LAIR2: variants seen among roughly 807,000 people sequenced by gnomAD.
LAIR2 encodes the protein leukocyte-associated immunoglobulin-like receptor 2.
In LAIR2, 14 loss-of-function variants were observed where a neutral mutation model predicts 14.8. The ratio of observed to expected loss-of-function variants is 0.95; its 90% CI spans 0.62 to 1.48. The LOEUF (loss-of-function observed/expected upper bound fraction) is 1.48, where lower values mean the gene tolerates loss of function less well. LAIR2 is among the 40% of genes most tolerant of loss of function. The pLI is 0.00. For synonymous variants in LAIR2, 75 were observed against 74.5 expected (o/e 1.01, Z -0.03); for missense variants, 172 against 180.9 (o/e 0.95, Z 0.28).
At chr19:54,502,978 ACTGGAAAGGGGGTCGGGAGGT>A (rs1222624049) in intron 1 of LAIR2, 26 bp downstream of exon 1, 1 of 1,603,718 alleles carries the variant, frequency 6.2e-7, no homozygotes, top group Non-Finnish European at 8.5e-7. Context: ...AGCGGGAAGG[ACTGGAAAGGGGGTCGGGAGGT>A]CTGGAAAGTT....
rs140201649 is a variant in LAIR2, at chr19:54,503,917, T to G, written c.70+182T>G. On this transcript the variant is annotated intron_variant, in intron 2 of 4. Transcript: ENST00000301202. ...CCCTTTCTCTCCTTCATTCTCCACC[T>G]GTCATGTTTTGCTTTTCTTATTTTC... Among the ~76,000 whole-genome samples the G allele has an allele frequency of 2.6e-3, 403 of 152,256 alleles. 2 individuals are homozygous for G. The highest frequency in any genetic ancestry group is 9.2e-3 in the African/African-American group (383 of 41,550).
intron 2 of LAIR2, among the ~76,000 whole-genome samples, chr19:54,505,823 T>TTC (rs1441256171): frequency 7.2e-6 from 1 of 138,448 alleles, no homozygotes; most frequent in Non-Finnish European, 1.5e-5. Flanking sequence ...ACATGCTGAT[T>TTC]TTTTTTTTTT....
chr19:54,504,906 G>C (rs1025421391), intron 2 of LAIR2, among the ~76,000 whole-genome samples: 1 of 152,108 alleles, frequency 6.6e-6, no homozygotes, highest in Admixed American at 6.6e-5. Flanking sequence ...CACTGCACCC[G>C]GCCGAGATGA....
rs1473445234 is a variant in LAIR2 at position 54,508,065 on chromosome 19, C to G, written c.245C>G (p.Ser82Ter). ...YNVFRLGPSE[S>*]EARFHIDSVS... ...GTGTTTCGACTTGGTCCATCTGAGT[C>G]AGAGGCCAGATTCCACATTGACTCA... Residue 82 changes from serine (S) to a stop codon, truncating the protein, a stop_gained, in exon 3 of 5, where the codon TCA (serine) becomes TGA (stop). Coordinates refer to ENST00000301202, the MANE Select transcript of LAIR2 (RefSeq NM_002288.6). LOFTEE classifies it high-confidence loss of function. 3 of 1,614,072 alleles carry G rather than the reference C, an allele frequency of 1.9e-6. No individual in the cohort carries two copies. Among genetic ancestry groups the G allele is most frequent in the Non-Finnish European group, 2.5e-6 (3 of 1,180,010 alleles).
At position 54,502,844 on chromosome 19, in the gene LAIR2, G is replaced by A. The variant is rs370448307; in HGVS notation, c.-75G>A. 1 allele frequency: 1,576,545 copies of A among 1,583,118 alleles called. 785,024 individuals are homozygous for A. The highest frequency in any genetic ancestry group is 1 in the Non-Finnish European group (1,148,499 of 1,151,884). ...CTTGTGTGAGGCAGTTGCTGTGGAA[G>A]CCCCACGGGCAGGAGGCCCCCGGCC... is the stretch of plus-strand genomic sequence containing the variant. On this transcript the variant is annotated 5_prime_UTR_variant, in exon 1 of 5. Transcript: ENST00000301202.
At chr19:54,505,545 C>T (rs1265744231) in intron 2 of LAIR2, among the ~76,000 whole-genome samples, 1 of 152,190 alleles carries the variant, frequency 6.6e-6, no homozygotes, top group South Asian at 2.1e-4. Context: ...AAAGCACAAC[C>T]ATGACCATTG....
At chr19:54,503,628 G>T in intron 1 of LAIR2, 72 bp from the exon 2 acceptor site, 2 of 1,602,972 alleles carry the variant, frequency 1.2e-6, no homozygotes, top group Non-Finnish European at 1.7e-6. Flanking sequence ...GCTCCGTCAA[G>T]CCCCCTTTTG....
chr19:54,505,156 T>C (rs1436219784), intron 2 of LAIR2, among the ~76,000 whole-genome samples: 1 of 152,176 alleles, frequency 6.6e-6, no homozygotes, highest in African/African-American at 2.4e-5. Flanking sequence ...GCGGTCACCC[T>C]GGGAGTGCAG....
At chr19:54,505,280 G>A (rs1002131700) in intron 2 of LAIR2, among the ~76,000 whole-genome samples, 7 of 152,048 alleles carry the variant, frequency 4.6e-5, no homozygotes, top group South Asian at 2.1e-4. Context: ...GCTTCTTGGC[G>A]GGGAACGTGA....
At chr19:54,508,358 A>C in intron 3 of LAIR2, among the ~76,000 whole-genome samples, 174 bp downstream of exon 3, 1 of 151,058 alleles carries the variant, frequency 6.6e-6, no homozygotes, top group African/African-American at 2.4e-5. Flanking sequence ...CTCTGCCCTC[A>C]CACCTGCTTA....
In LAIR2 at chr19:54,507,621, C is replaced by T. The variant is rs1459314524; in HGVS notation, c.71-270C>T. On this transcript the variant is annotated intron_variant, in intron 2 of 4. Transcript: ENST00000301202. ...AGGCATGAAGGGCTCCAGGCTGCTCCGACACTTCCCACGTGACCCTGAGCA... is the reference window on the plus strand; with the variant it reads ...AGGCATGAAGGGCTCCAGGCTGCTCTGACACTTCCCACGTGACCCTGAGCA... Among the ~76,000 whole-genome samples the T allele has an allele frequency of 3.9e-5, 6 of 152,170 alleles. No individual in the cohort carries two copies. In the South Asian group the frequency reaches 8.3e-4, roughly 21 times the overall value.
chr19:54,504,123 A>ATT (rs56696276), intron 2 of LAIR2, among the ~76,000 whole-genome samples: 137 of 143,388 alleles, frequency 9.6e-4, no homozygotes, highest in East Asian at 3.1e-3. Context: ...CCCCTGGCTA[A>ATT]TTTTTTTTTT....
At chr19:54,506,813 G>A (rs1474713402) in intron 2 of LAIR2, among the ~76,000 whole-genome samples, 1 of 152,194 alleles carries the variant, frequency 6.6e-6, no homozygotes, top group Non-Finnish European at 1.5e-5. Flanking sequence ...CTGGTCAAAG[G>A]ATAGAAAATT....
At position 54,502,934 on chromosome 19, in the gene LAIR2, A is replaced by T; in HGVS notation, c.16A>T (p.Thr6Ser). The T allele has an allele frequency of 6.2e-7, 1 of 1,613,916 alleles. No individual in the cohort carries two copies. Among genetic ancestry groups the T allele is most frequent in the Non-Finnish European group, 8.5e-7 (1 of 1,179,890 alleles). ...GACCGGGGCCATGTCTCCACACCTC[A>T]CTGCTCTCCTGGGCCTAGGTGAGTC... MSPHL[T>S]ALLGLVLCLA... The change falls in exon 1 of 5, where the codon ACT (threonine) becomes TCT (serine). Residue 6 changes from threonine (T) to serine (S), a missense_variant. Thr to Ser is a moderately conservative substitution (Grantham distance 58). Around this residue, in one of 2 missense-constraint regions of LAIR2, gnomAD observed 161 missense variants for 149.0 expected, o/e 1.08. Transcript: ENST00000301202.
intron 1 of LAIR2, 30 bp from the exon 2 acceptor site, chr19:54,503,670 G>C (rs1288662556): frequency 7.4e-6 from 12 of 1,613,908 alleles, no homozygotes; most frequent in Non-Finnish European, 1.0e-5. Context: ...TGGGCAGTGG[G>C]CATTTTTCTC....
In LAIR2 at chr19:54,507,996, G is replaced by A. The variant is rs528394144; in HGVS notation, c.176G>A (p.Arg59His). The A allele has an allele frequency of 5.0e-6, 8 of 1,614,164 alleles. No individual in the cohort carries two copies. Among genetic ancestry groups the A allele is most frequent in the Non-Finnish European group, 5.9e-6 (7 of 1,180,034 alleles). ...GGCCCGGTTGGGGTTCAAACATTCCGCCTGGAGAGGGAGGATAGAGCCAAG... is the reference window on the plus strand; with the variant it reads ...GGCCCGGTTGGGGTTCAAACATTCCACCTGGAGAGGGAGGATAGAGCCAAG... ...CRGPVGVQTF[R>H]LEREDRAKYK... The change falls in exon 3 of 5, where the codon CGC (arginine) becomes CAC (histidine). Residue 59 changes from arginine (R) to histidine (H), a missense_variant. By Grantham distance (29) the Arg-to-His change is conservative (BLOSUM62 0). Around this residue, in one of 2 missense-constraint regions of LAIR2, gnomAD observed 161 missense variants for 149.0 expected, o/e 1.08. Transcript: ENST00000301202.
chr19:54,504,882 T>C (rs887977883), intron 2 of LAIR2, among the ~76,000 whole-genome samples: 6 of 152,176 alleles, frequency 3.9e-5, no homozygotes. Context: ...AGTGCTGGGA[T>C]TACAGGTATG....
intron 2 of LAIR2, among the ~76,000 whole-genome samples, chr19:54,507,187 A>C (rs2085379667): frequency 6.7e-6 from 1 of 150,138 alleles, no homozygotes; most frequent in Non-Finnish European, 1.5e-5. Flanking sequence ...TTCCTCCTCC[A>C]CCCCAAGCCC....
chr19:54,503,295 T>C (rs975605108), intron 1 of LAIR2, among the ~76,000 whole-genome samples: 4 of 152,016 alleles, frequency 2.6e-5, no homozygotes, highest in African/African-American at 4.8e-5. Flanking sequence ...ACTCCATCTC[T>C]ACTAATACAA....
Sources: gnomAD v4.1 joint callset for allele counts (sites outside exome capture counted in the v4.1 genomes callset) on GRCh38, gnomAD v4.1.1 for gene constraint, gnomAD v4.1.1 regional missense constraint, MANE v1.5 for transcripts, NCBI Gene and HGNC (gene_info 2026-07-23, HGNC 2026-07-21) for gene names.